NOD1: variants seen among roughly 807,000 people sequenced by gnomAD.
The protein encoded by NOD1 is nucleotide binding oligomerization domain containing 1.
NOD1 carries 70 observed loss-of-function variants against 81.2 expected under a neutral mutation model. The ratio of observed to expected loss-of-function variants is 0.86; its 90% CI spans 0.71 to 1.05. The LOEUF (loss-of-function observed/expected upper bound fraction) is 1.05. NOD1 is among the 50% of genes least tolerant of loss of function. NOD1 has a pLI of 0.00. For missense variants in NOD1, 1,233 were observed against 1,228.0 expected (o/e 1.00, Z -0.06); for synonymous variants, 508 against 526.9 (o/e 0.96, Z 0.49).
At position 30,460,791 on chromosome 7, in the gene NOD1, A is replaced by G. The variant is rs575467773; in HGVS notation, c.-351-750T>C. The G allele has an allele frequency of 7.3e-6, 5 of 688,082 alleles. No individual in the cohort carries two copies. The South Asian group carries it at 2.6e-4, about 36-fold the overall frequency. The allele number at this position is 688,082 out of a possible 1,614,324, so 42.6% of individuals were successfully genotyped here. The stretch of plus-strand genomic sequence containing the variant: ...CTCTTCTTTCTAGCTTTCTGCCCTC[A>G]GAGAGGGTTAGTTTCCAGGGTAAGG... On this transcript the variant is annotated intron_variant, in intron 1 of 13. Transcript: ENST00000222823.
intron 3 of NOD1, among the ~76,000 whole-genome samples, chr7:30,457,649 T>C (rs200974567): frequency 1.3e-5 from 2 of 152,220 alleles, no homozygotes; most frequent in East Asian, 3.9e-4. Flanking sequence ...AGGTGTTTAT[T>C]TTACATAATA....
chr7:30,437,039 C>A (rs1784437646), intron 10 of NOD1, among the ~76,000 whole-genome samples: 1 of 152,036 alleles, frequency 6.6e-6, no homozygotes, highest in Non-Finnish European at 1.5e-5. Flanking sequence ...GAATACTATG[C>A]AACCATAAAA....
intron 11 of NOD1, among the ~76,000 whole-genome samples, chr7:30,435,106 C>A: frequency 6.6e-6 from 1 of 151,990 alleles, no homozygotes; most frequent in Admixed American, 6.6e-5. Context: ...GATGTAAATA[C>A]AAATAAAGCA....
chr7:30,471,968 T>G (rs1302165002), intron 1 of NOD1, among the ~76,000 whole-genome samples: 3 of 152,250 alleles, frequency 2.0e-5, no homozygotes, highest in Non-Finnish European at 2.9e-5. Context: ...TCTTTCACTT[T>G]GTTTTGAGCC....
chr7:30,464,696 G>A (rs1269785067), intron 1 of NOD1, among the ~76,000 whole-genome samples: 1 of 152,186 alleles, frequency 6.6e-6, no homozygotes, highest in African/African-American at 2.4e-5. Context: ...GGCACTCTCA[G>A]TTTATGTCTG....
At chr7:30,434,887 T>C (rs1044800228) in intron 11 of NOD1, among the ~76,000 whole-genome samples, 1 of 152,074 alleles carries the variant, frequency 6.6e-6, no homozygotes, top group Admixed American at 6.5e-5. Context: ...GGGCTCTGAG[T>C]AGATGATAGG....
chr7:30,455,085 C>T (rs577122834), intron 5 of NOD1, 52 bp downstream of exon 5: 1 of 1,583,582 alleles, frequency 6.3e-7, no homozygotes, highest in South Asian at 1.1e-5. Flanking sequence ...ACCAAACCCC[C>T]CAGGGCCCTG....
chr7:30,459,447 C>A (rs1195628990), intron 2 of NOD1, among the ~76,000 whole-genome samples: 1 of 152,158 alleles, frequency 6.6e-6, no homozygotes, highest in Non-Finnish European at 1.5e-5. Flanking sequence ...TTGAGTCACA[C>A]CTGTCCTTTA....
In NOD1 at chr7:30,425,262, C is replaced by G. The variant is rs183356308; in HGVS notation, c.*376G>C. The G allele has an allele frequency of 1.6e-4, 35 of 221,728 alleles. No individual in the cohort carries two copies. The highest frequency in any genetic ancestry group is 7.8e-4 in the Admixed American group (15 of 19,350). 13.7% of individuals were successfully genotyped at this position (221,728 alleles called of 1,614,324 possible). On this transcript the variant is annotated 3_prime_UTR_variant, in exon 14 of 14. Transcript: ENST00000222823. ...ACTCTTCAATGAAAAGAGCGGTGAC[C>G]AACTCGCTCCCGTTGGTCCCTATGG...
At chr7:30,427,019 T>C (rs1214992288) in intron 13 of NOD1, among the ~76,000 whole-genome samples, 1 of 152,198 alleles carries the variant, frequency 6.6e-6, no homozygotes, top group African/African-American at 2.4e-5. Context: ...TTTTCTTTAA[T>C]GTGCTTCTCC....
chr7:30,453,747 A>G (rs1157056852), intron 5 of NOD1, among the ~76,000 whole-genome samples: 1 of 152,164 alleles, frequency 6.6e-6, no homozygotes, highest in Non-Finnish European at 1.5e-5. Flanking sequence ...TGCAAACCTC[A>G]CCACAGTCCA....
In NOD1 at chr7:30,447,059, G is replaced by A. The variant is rs748650152; in HGVS notation, c.2286-9C>T. The A allele has an allele frequency of 3.7e-6, 6 of 1,613,752 alleles. No homozygotes were observed. The African/African-American group carries it at 4.0e-5, about 11-fold the overall frequency. Reference sequence around the variant, plus strand: ...TCTGGTTGTTGTATAAACTTCAAGAGAAAGCACAGCCATGAGACTTTCTGG... The same window carrying A: ...TCTGGTTGTTGTATAAACTTCAAGAAAAAGCACAGCCATGAGACTTTCTGG... On this transcript the variant is annotated splice_polypyrimidine_tract_variant and intron_variant, in intron 7 of 13. Transcript: ENST00000222823.
rs575254586 is a variant in NOD1, at chr7:30,425,614, C to A, written c.*24G>T. Reference sequence around the variant, plus strand: ...TGCTGCTGAGGCTCCAGGGCAAAAACCCCATGAACAGGAAAGCATCCTCTC... The same window carrying A: ...TGCTGCTGAGGCTCCAGGGCAAAAAACCCATGAACAGGAAAGCATCCTCTC... On this transcript the variant is annotated 3_prime_UTR_variant, in exon 14 of 14. Coordinates refer to ENST00000222823, the MANE Select transcript of NOD1 (RefSeq NM_006092.4). 2 of 1,593,346 alleles carry A rather than the reference C, an allele frequency of 1.3e-6. No homozygotes were observed. Among genetic ancestry groups the A allele is most frequent in the South Asian group, 1.1e-5 (1 of 90,680 alleles).
rs760379576 is a variant in NOD1 at position 30,429,377 on chromosome 7, ATC to A, written c.2784_2785del (p.Glu928AspfsTer17). On this transcript the variant is annotated frameshift_variant, in exon 13 of 14. Transcript: ENST00000222823. LOFTEE classifies it high-confidence loss of function. ...GTGACAAACGCTGGGATCTTACCAA[ATC>A]TCTGTTATGCCAGTGTTGCTCTGTA... The A allele has an allele frequency of 1.8e-5, 29 of 1,613,388 alleles. No individual in the cohort carries two copies. Among genetic ancestry groups the A allele is most frequent in the South Asian group, 9.9e-5 (9 of 91,082 alleles).
At chr7:30,461,810 C>T (rs1190461183) in intron 1 of NOD1, among the ~76,000 whole-genome samples, 1 of 152,220 alleles carries the variant, frequency 6.6e-6, no homozygotes, top group African/African-American at 2.4e-5. Context: ...ACAATCTTGG[C>T]CCACTGCAAG....
intron 1 of NOD1, chr7:30,460,642 G>A (rs1427147476): frequency 3.0e-6 from 3 of 985,302 alleles, no homozygotes; most frequent in South Asian, 4.7e-5. Flanking sequence ...AGAGGAGATC[G>A]GAGGAGGGTG....
At chr7:30,445,549 A>G (rs922343797) in intron 9 of NOD1, among the ~76,000 whole-genome samples, 2 of 151,878 alleles carry the variant, frequency 1.3e-5, no homozygotes, top group Non-Finnish European at 2.9e-5. Context: ...ATTTGAGGTC[A>G]GGAGTTTGAG....
intron 1 of NOD1, among the ~76,000 whole-genome samples, chr7:30,469,660 G>A (rs1788067296): frequency 6.7e-6 from 1 of 149,674 alleles, no homozygotes; most frequent in African/African-American, 2.6e-5. Context: ...ACCCTGTTCA[G>A]AGTGCACAGA....
At chr7:30,430,011 C>G (rs1783806020) in intron 12 of NOD1, among the ~76,000 whole-genome samples, 1 of 152,132 alleles carries the variant, frequency 6.6e-6, no homozygotes. Flanking sequence ...CAGAGTGAGA[C>G]TCCATTTATA....
Sources: gnomAD v4.1 joint callset for allele counts (sites outside exome capture counted in the v4.1 genomes callset) on GRCh38, gnomAD v4.1.1 for gene constraint, MANE v1.5 for transcripts, NCBI Gene and HGNC (gene_info 2026-07-23, HGNC 2026-07-21) for gene names.